The following RPS6KA5 variants were observed in gnomAD, a reference collection of about 807,000 sequenced individuals.
RPS6KA5 encodes the protein ribosomal protein S6 kinase alpha-5.
In RPS6KA5, 27 loss-of-function variants were observed where a neutral mutation model predicts 85.5. That is an observed-to-expected ratio of 0.32 (90% confidence interval 0.23 to 0.44). The LOEUF (loss-of-function observed/expected upper bound fraction) is 0.44. Ranked by LOEUF, RPS6KA5 falls within the 20% of genes least tolerant of loss-of-function variation. The probability of loss-of-function intolerance (pLI) is 1.00; values close to 1 mark genes in which losing one functional copy is unlikely to be tolerated. For missense variants in RPS6KA5, 811 were observed against 980.9 expected (o/e 0.83, Z 2.31); for synonymous variants, 334 against 348.2 (o/e 0.96, Z 0.46).
rs760132998 is a variant in RPS6KA5 at position 90,894,453 on chromosome 14, A to G, written c.1604T>C (p.Met535Thr). 1 of 1,614,132 alleles carries G rather than the reference A, an allele frequency of 6.2e-7. No homozygotes were observed. Among genetic ancestry groups the G allele is most frequent in the South Asian group, 1.1e-5 (1 of 91,082 alleles). Residue 535 changes from methionine to threonine, a missense_variant, in exon 13 of 17, where the codon ATG becomes ACG. By Grantham distance (81) the Met-to-Thr change is moderately conservative. This residue lies in a region of RPS6KA5 where 650 missense variants were observed against 793.4 expected (regional missense o/e 0.82). Transcript: ENST00000614987. The stretch of plus-strand genomic sequence containing the variant: ...CCTGTGCACCACTCCAACATCATGC[A>G]TGTGGCTTACAGCTGAAACAAGCTT... Reference protein sequence around the residue: ...MRKLVSAVSHMHDVGVVHRDL... With the variant: ...MRKLVSAVSHTHDVGVVHRDL...
intron 7 of RPS6KA5, among the ~76,000 whole-genome samples, chr14:90,910,842 C>T (rs568844442): frequency 5.9e-5 from 9 of 152,102 alleles, no homozygotes; most frequent in African/African-American, 1.9e-4. Flanking sequence ...CCCTCCACCA[C>T]GCCCGGCTAA....
chr14:90,857,457 A>G lies in RPS6KA5; in HGVS notation c.*14617T>C, dbSNP rs772597105. 8 of 152,258 alleles carry G rather than the reference A, an allele frequency of 5.3e-5. No homozygotes were observed. The highest frequency in any genetic ancestry group is 1.2e-4 in the Non-Finnish European group (8 of 68,052). 9.4% of individuals were successfully genotyped at this position (152,258 alleles called of 1,614,324 possible). A position where few individuals can be genotyped will look rare whatever the true frequency, so the allele number is the denominator to read the frequency against. On this transcript the variant is annotated 3_prime_UTR_variant, in exon 17 of 17. Transcript: ENST00000614987. The stretch of plus-strand genomic sequence containing the variant: ...CATCAGATTTCATGTCGATATTCAT[A>G]AAGAGACATAATTTCAGAGCTAAGT...
intron 4 of RPS6KA5, among the ~76,000 whole-genome samples, chr14:90,944,697 G>T (rs2037774427): frequency 6.6e-6 from 1 of 151,894 alleles, no homozygotes; most frequent in Admixed American, 6.6e-5. Context: ...GGAGGTTACG[G>T]TGAGCTGAGA....
intron 13 of RPS6KA5, among the ~76,000 whole-genome samples, chr14:90,892,382 C>G (rs1291641361): frequency 6.6e-6 from 1 of 152,148 alleles, no homozygotes; most frequent in Non-Finnish European, 1.5e-5. Flanking sequence ...TCCTCCTATT[C>G]CGGAATATGT....
At chr14:90,929,054 A>G (rs1271669953) in intron 5 of RPS6KA5, among the ~76,000 whole-genome samples, 1 of 152,118 alleles carries the variant, frequency 6.6e-6, no homozygotes, top group African/African-American at 2.4e-5. Context: ...ACAAAAATCT[A>G]TTCATATAAT....
chr14:90,964,692 T>A (rs539782545), intron 3 of RPS6KA5, among the ~76,000 whole-genome samples: 99 of 151,772 alleles, frequency 6.5e-4, no homozygotes, highest in African/African-American at 2.1e-3. Context: ...GATGGGAGGA[T>A]CACTTGAGCC....
chr14:90,946,050 T>C (rs1434262513), intron 4 of RPS6KA5, among the ~76,000 whole-genome samples: 2 of 152,250 alleles, frequency 1.3e-5, no homozygotes, highest in African/African-American at 4.8e-5. Flanking sequence ...ATCATTTTTA[T>C]ATTATAAACT....
At chr14:90,943,495 T>C (rs2037702501) in intron 4 of RPS6KA5, among the ~76,000 whole-genome samples, 1 of 152,188 alleles carries the variant, frequency 6.6e-6, no homozygotes, top group Non-Finnish European at 1.5e-5. Context: ...ACTCTCACTC[T>C]AGATGACCTT....
At position 90,853,185 on chromosome 14, in the gene RPS6KA5, C is replaced by G. The variant is rs1489196329; in HGVS notation, c.*18889G>C. The G allele has an allele frequency of 6.6e-6, 1 of 152,140 alleles. No homozygotes were observed. The highest frequency in any genetic ancestry group is 1.5e-5 in the Non-Finnish European group (1 of 68,026). 9.4% of individuals were successfully genotyped at this position (152,140 alleles called of 1,614,324 possible). On this transcript the variant is annotated 3_prime_UTR_variant, in exon 17 of 17. Coordinates refer to ENST00000614987, the MANE Select transcript of RPS6KA5 (RefSeq NM_004755.4). ...TTTACTTAATTTGCCCATTTCTCAA[C>G]ATAGGCTTTGAAAAATTCCTCTAAA...
At chr14:90,881,081 T>C (rs1486835813) in intron 14 of RPS6KA5, among the ~76,000 whole-genome samples, 1 of 151,902 alleles carries the variant, frequency 6.6e-6, no homozygotes, top group Non-Finnish European at 1.5e-5. Context: ...GTGATCCTCC[T>C]GCCTCAGCCT....
intron 12 of RPS6KA5, among the ~76,000 whole-genome samples, chr14:90,895,833 G>C (rs995757254): frequency 2.0e-5 from 3 of 152,154 alleles, no homozygotes; most frequent in African/African-American, 7.2e-5. Flanking sequence ...AAGGCTGCAG[G>C]GAGCCGTCAC....
At chr14:90,955,433 T>C (rs1237507361) in intron 3 of RPS6KA5, among the ~76,000 whole-genome samples, 1 of 152,150 alleles carries the variant, frequency 6.6e-6, no homozygotes. Context: ...ATTATTTTTT[T>C]GTGGAGACGG....
At chr14:90,981,681 T>A (rs1377685644) in intron 2 of RPS6KA5, among the ~76,000 whole-genome samples, 1 of 152,248 alleles carries the variant, frequency 6.6e-6, no homozygotes, top group Non-Finnish European at 1.5e-5. Context: ...GGAAAAACTA[T>A]AATGAAGCTC....
At chr14:90,911,163 A>G (rs2035798384) in intron 7 of RPS6KA5, 1 of 152,222 alleles carries the variant, frequency 6.6e-6, no homozygotes, top group Non-Finnish European at 1.5e-5. Flanking sequence ...CAACTAAAAC[A>G]TAAGCTCTAA....
At chr14:91,030,615 A>G (rs1175538677) in intron 1 of RPS6KA5, among the ~76,000 whole-genome samples, 25 of 126,986 alleles carry the variant, frequency 2.0e-4, no homozygotes, top group African/African-American at 3.6e-4. Context: ...TAAACAGAAA[A>G]AAAAAAAAAA....
chr14:91,031,827 A>G (rs1025246006), intron 1 of RPS6KA5, among the ~76,000 whole-genome samples: 1 of 152,198 alleles, frequency 6.6e-6, no homozygotes, highest in Admixed American at 6.5e-5. Flanking sequence ...TTCATTAAGT[A>G]GACAGGCAGG....
At chr14:90,927,544 C>G (rs1364294790) in intron 5 of RPS6KA5, among the ~76,000 whole-genome samples, 1 of 152,020 alleles carries the variant, frequency 6.6e-6, no homozygotes, top group Admixed American at 6.6e-5. Context: ...CAACAGAAAG[C>G]TGGAGTATCT....
At chr14:91,017,737 T>C (rs1268829729) in intron 1 of RPS6KA5, among the ~76,000 whole-genome samples, 1 of 152,200 alleles carries the variant, frequency 6.6e-6, no homozygotes, top group Non-Finnish European at 1.5e-5. Context: ...GCAAAATGTA[T>C]GCTTCCTGTT....
chr14:90,899,306 A>G (rs746252475), intron 12 of RPS6KA5, 23 bp downstream of exon 12: 34,951 of 1,094,276 alleles, frequency 0.032, 72 homozygotes, highest in South Asian at 0.056. Flanking sequence ...ACATGGGAAA[A>G]AAAAAAAAAA....
Sources: allele counts gnomAD v4.1 joint callset (sites outside exome capture counted in the v4.1 genomes callset), GRCh38; gene constraint gnomAD v4.1.1; regional missense constraint gnomAD v4.1.1; transcripts MANE v1.5; gene names NCBI Gene and HGNC (gene_info 2026-07-23, HGNC 2026-07-21).